DPP10: variants seen among roughly 807,000 people sequenced by gnomAD.
DPP10 encodes the protein inactive dipeptidyl peptidase 10.
A neutral mutation model predicts 120.9 loss-of-function variants in DPP10; 33 were observed. The observed-to-expected ratio is 0.27, with a 90% CI of 0.21 to 0.37. The LOEUF is 0.37. DPP10 is among the 10% of genes least tolerant of loss of function. The pLI is 1.00. For synonymous variants in DPP10, 337 were observed against 326.1 expected, an observed-to-expected ratio of 1.03 and a Z score of -0.36; for missense variants, 816 against 942.8, an observed-to-expected ratio of 0.87 and a Z score of 1.76.
At chr2:115,091,636 C>T (rs1008665550) in intron 1 of DPP10, among the ~76,000 whole-genome samples, 8 of 152,092 alleles carry the variant, frequency 5.3e-5, no homozygotes, top group African/African-American at 1.7e-4. Flanking sequence ...GTCCGTCCTA[C>T]CAATTTACTT....
chr2:115,441,437 A>T (rs2072036576), intron 3 of DPP10, among the ~76,000 whole-genome samples: 1 of 152,100 alleles, frequency 6.6e-6, no homozygotes, highest in Non-Finnish European at 1.5e-5. Flanking sequence ...TTTTTATGTG[A>T]CCTAGAATCA....
chr2:114,820,947 T>A lies in DPP10; in HGVS notation c.60+378109T>A, dbSNP rs568833707. ...GTTCTTCATCTTCAGTCAAATTAGA[T>A]AAAACAACATGGATACACATGGAAT... is the stretch of plus-strand genomic sequence containing the variant. On this transcript the variant is annotated intron_variant, in intron 1 of 25. Transcript: ENST00000410059. Among the ~76,000 whole-genome samples, 10 of 152,234 alleles carry A rather than the reference T, an allele frequency of 6.6e-5. No homozygotes were observed. In the South Asian group the frequency reaches 2.1e-3, roughly 32 times the overall value.
intron 5 of DPP10, among the ~76,000 whole-genome samples, chr2:115,567,713 A>G (rs1198021895): frequency 2.0e-5 from 3 of 152,218 alleles, no homozygotes; most frequent in South Asian, 2.1e-4. Flanking sequence ...ATGTCGAGAC[A>G]TTCATTTCCG....
intron 1 of DPP10, among the ~76,000 whole-genome samples, chr2:115,027,373 T>TG (rs1703538899): frequency 6.6e-6 from 1 of 152,174 alleles, no homozygotes. Context: ...AGTATTGTGT[T>TG]GAAAAAAAGT....
chr2:115,628,993 G>A (rs1400518931), intron 5 of DPP10, among the ~76,000 whole-genome samples: 4 of 151,986 alleles, frequency 2.6e-5, no homozygotes, highest in Non-Finnish European at 5.9e-5. Flanking sequence ...AGGCCCCAGT[G>A]TGTGATGTTC....
At chr2:114,947,164 G>T (rs1343503952) in intron 1 of DPP10, among the ~76,000 whole-genome samples, 2 of 151,796 alleles carry the variant, frequency 1.3e-5, no homozygotes, top group Non-Finnish European at 2.9e-5. Flanking sequence ...CTTTTTAGTT[G>T]ATCATTTGCT....
At position 115,515,906 on chromosome 2, in the gene DPP10, A is replaced by G. The variant is rs933804426; in HGVS notation, c.367-9992A>G. Among the ~76,000 whole-genome samples the G allele has an allele frequency of 3.3e-5, 5 of 152,140 alleles. No homozygotes were observed. In the South Asian group the frequency reaches 1.0e-3, roughly 32 times the overall value. ...ATGAATAATGAAAAAATAAACACACACACTGAACACCTTCTTCCAGCCTTA... is the reference window on the plus strand; with the variant it reads ...ATGAATAATGAAAAAATAAACACACGCACTGAACACCTTCTTCCAGCCTTA... On this transcript the variant is annotated intron_variant, in intron 4 of 25. Transcript: ENST00000410059.
intron 1 of DPP10, among the ~76,000 whole-genome samples, chr2:114,464,697 T>C (rs547655240): frequency 6.6e-6 from 1 of 152,152 alleles, no homozygotes; most frequent in Non-Finnish European, 1.5e-5. Context: ...TAATTTCTGT[T>C]GCCCTAAATA....
intron 3 of DPP10, among the ~76,000 whole-genome samples, chr2:115,377,706 A>G (rs1176689735): frequency 6.6e-6 from 1 of 152,060 alleles, no homozygotes; most frequent in Non-Finnish European, 1.5e-5. Flanking sequence ...TAAGTCTTTA[A>G]TCCATCTTGA....
intron 1 of DPP10, among the ~76,000 whole-genome samples, chr2:114,829,166 G>C (rs894896504): frequency 1.3e-5 from 2 of 151,816 alleles, no homozygotes; most frequent in African/African-American, 4.8e-5. Context: ...GCAGGCAACT[G>C]TAATCTCAGC....
At chr2:114,941,351 A>G (rs1696882178) in intron 1 of DPP10, among the ~76,000 whole-genome samples, 1 of 152,140 alleles carries the variant, frequency 6.6e-6, no homozygotes, top group Non-Finnish European at 1.5e-5. Flanking sequence ...TCAATTGGAT[A>G]CCATTCAGTT....
chr2:115,813,201 T>G (rs1179060196), intron 19 of DPP10, among the ~76,000 whole-genome samples: 4 of 151,990 alleles, frequency 2.6e-5, no homozygotes, highest in Non-Finnish European at 5.9e-5. Flanking sequence ...CAGGATGGTC[T>G]CGATCTCCTG....
chr2:114,586,002 C>A (rs545527071), intron 1 of DPP10, among the ~76,000 whole-genome samples: 34 of 152,288 alleles, frequency 2.2e-4, no homozygotes, highest in Non-Finnish European at 3.4e-4. Flanking sequence ...AATCCCAGCC[C>A]TTTGGGAAGC....
chr2:115,321,445 C>A (rs962085448), intron 2 of DPP10, among the ~76,000 whole-genome samples: 3 of 151,158 alleles, frequency 2.0e-5, no homozygotes, highest in African/African-American at 7.3e-5. Context: ...TCGCTGCTTG[C>A]AGGATCCTAT....
chr2:115,362,639 G>A (rs188626567), intron 3 of DPP10, among the ~76,000 whole-genome samples: 16 of 152,108 alleles, frequency 1.1e-4, no homozygotes, highest in Non-Finnish European at 1.5e-4. Context: ...TAGTGGATAC[G>A]AAATTATTAA....
chr2:114,862,108 T>C (rs137998849), intron 1 of DPP10, among the ~76,000 whole-genome samples: 2 of 152,184 alleles, frequency 1.3e-5, no homozygotes, highest in African/African-American at 4.8e-5. Context: ...AGAATTTTAT[T>C]ACCCATTTCA....
Position 115,749,699 on chromosome 2 carries a change from G to T in DPP10, c.951-3475G>T, listed in dbSNP as rs199942084. Among the ~76,000 whole-genome samples, 17 of 152,268 alleles carry T rather than the reference G, an allele frequency of 1.1e-4. No individual in the cohort carries two copies. The East Asian group carries it at 3.1e-3, about 28-fold the overall frequency. ...AGAACGCTAGCTATAATTTGGTCAT[G>T]AATACCATCACAATATACTTATGGG... On this transcript the variant is annotated intron_variant, in intron 10 of 25. Coordinates refer to ENST00000410059, the MANE Select transcript of DPP10 (RefSeq NM_020868.6).
rs2084033707 is a variant in DPP10, at chr2:115,610,642, G to T, written c.442-79045G>T. On this transcript the variant is annotated intron_variant, in intron 5 of 25. Transcript: ENST00000410059. ...CATGTGAATGAAACTACAGGTCTGG[G>T]ACCTTCTTTTCCTGAAATGCTTGTA... is the stretch of plus-strand genomic sequence containing the variant. Among the ~76,000 whole-genome samples the T allele has an allele frequency of 2.0e-5, 3 of 152,054 alleles. No homozygotes were observed. In the South Asian group the frequency reaches 6.2e-4, roughly 32 times the overall value.
chr2:114,594,773 T>C (rs1328855574), intron 1 of DPP10, among the ~76,000 whole-genome samples: 2 of 152,162 alleles, frequency 1.3e-5, no homozygotes, highest in Admixed American at 6.6e-5. Flanking sequence ...GAATTTTCTA[T>C]AAATTCATTG....
Sources: allele counts gnomAD v4.1 joint callset (sites outside exome capture counted in the v4.1 genomes callset), GRCh38; gene constraint gnomAD v4.1.1; transcripts MANE v1.5; gene names NCBI Gene and HGNC (gene_info 2026-07-23, HGNC 2026-07-21).